Variants in NHS observed in about 807,000 individuals in gnomAD.
NHS encodes the protein actin remodeling regulator NHS.
Under a neutral mutation model 72.5 loss-of-function variants are expected in NHS, and 5 were observed. That is an observed-to-expected ratio of 0.07 (90% CI 0.04 to 0.14). The LOEUF is 0.14. Among genes scored for constraint, NHS ranks in the 10% least tolerant of loss-of-function variants. The pLI, the probability that NHS is intolerant of heterozygous loss-of-function variation, is 1.00. For missense variants in NHS, 1,072 were observed against 1,355.7 expected (o/e 0.79, Z 3.29); for synonymous variants, 464 against 547.7 (o/e 0.85, Z 2.13).
chrX:17,376,227 T>C lies in NHS; in HGVS notation c.470T>C (p.Ile157Thr). 1 of 1,183,740 alleles carries C rather than the reference T, an allele frequency of 8.4e-7. No homozygotes were observed. The highest frequency in any genetic ancestry group is 1.1e-6 in the Non-Finnish European group (1 of 887,016). Reference sequence around the variant, plus strand: ...CTCTTCCAGGAGCTCGAGAGCGACATCCAGCTCACCCACCGCCGCGTCTGG... The same window carrying C: ...CTCTTCCAGGAGCTCGAGAGCGACACCCAGCTCACCCACCGCCGCGTCTGG... ...CSLFQELESD[I>T]QLTHRRVWAL... Residue 157 changes from isoleucine (I) to threonine (T), a missense_variant, in exon 1 of 9, where the codon ATC becomes ACC. By Grantham distance (89) the Ile-to-Thr change is moderately conservative. Transcript: ENST00000676302.
Position 17,719,393 on chromosome X carries a change from C to G in NHS, c.902C>G (p.Pro301Arg), listed in dbSNP as rs1469174593. Residue 301 changes from proline (P) to arginine (R), a missense_variant, in exon 4 of 9, where the codon CCG becomes CGG. By Grantham distance (103) the Pro-to-Arg change is moderately radical (BLOSUM62 -2). Coordinates refer to ENST00000676302, the MANE Select transcript of NHS (RefSeq NM_001291867.2). ...CCCACTGAATGTTGCCACATGACCC[C>G]GTGGAGTAGAAAGGTATTGGTTCTG... is the stretch of plus-strand genomic sequence containing the variant. ...PSPTECCHMT[P>R]WSRKSHPPED... The G allele has an allele frequency of 8.6e-7, 1 of 1,164,909 alleles. No individual in the cohort carries two copies. The highest frequency in any genetic ancestry group is 1.9e-5 in the South Asian group (1 of 52,598).
At chrX:17,379,688 A>G (rs2064366293) in intron 1 of NHS, among the ~76,000 whole-genome samples, 1 of 111,738 alleles carries the variant, frequency 8.9e-6, no homozygotes, top group South Asian at 3.8e-4. Flanking sequence ...GGCAGGAGAA[A>G]TGCTTGGATC....
chrX:17,449,160 C>T (rs865787464), intron 1 of NHS, among the ~76,000 whole-genome samples: 16 of 113,145 alleles, frequency 1.4e-4, no homozygotes, highest in African/African-American at 5.1e-4. Flanking sequence ...CCCTATGGGA[C>T]GCAAGACCTC....
At chrX:17,488,193 G>T (rs1045492676) in intron 1 of NHS, among the ~76,000 whole-genome samples, 7 of 111,447 alleles carry the variant, frequency 6.3e-5, no homozygotes, top group Non-Finnish European at 1.1e-4. Flanking sequence ...GACAAGCAGA[G>T]AATGTTACAT....
At chrX:17,514,744 A>G (rs1430889284) in intron 1 of NHS, among the ~76,000 whole-genome samples, 4 of 112,102 alleles carry the variant, frequency 3.6e-5, no homozygotes. Flanking sequence ...AGCCCCCAGG[A>G]CATGTAAATG....
At chrX:17,403,432 A>G (rs1475566650) in intron 1 of NHS, among the ~76,000 whole-genome samples, 1 of 111,760 alleles carries the variant, frequency 8.9e-6, no homozygotes, top group African/African-American at 3.3e-5. Flanking sequence ...TTCGTGGCTG[A>G]GAGCAGGGCT....
intron 1 of NHS, among the ~76,000 whole-genome samples, chrX:17,380,503 C>A (rs958625754): frequency 1.8e-5 from 2 of 110,202 alleles, no homozygotes; most frequent in African/African-American, 6.6e-5. Flanking sequence ...CAGGTGTGCA[C>A]CACTACGCTA....
At chrX:17,504,592 T>C (rs1436090283) in intron 1 of NHS, among the ~76,000 whole-genome samples, 1 of 112,016 alleles carries the variant, frequency 8.9e-6, no homozygotes, top group African/African-American at 3.2e-5. Context: ...TTATTTCCTT[T>C]GGCTTTCCAT....
chrX:17,507,823 T>C (rs768419158), intron 1 of NHS, among the ~76,000 whole-genome samples: 3 of 111,561 alleles, frequency 2.7e-5, no homozygotes, highest in Non-Finnish European at 5.6e-5. Context: ...AAGAATGACA[T>C]TCAGTCTTAA....
intron 3 of NHS, among the ~76,000 whole-genome samples, chrX:17,702,641 T>C (rs1053530531): frequency 9.0e-6 from 1 of 111,376 alleles, no homozygotes; most frequent in South Asian, 3.8e-4. Context: ...GAGCCGAGAT[T>C]GCACCACTGC....
At chrX:17,401,084 T>C (rs1432714300) in intron 1 of NHS, among the ~76,000 whole-genome samples, 1 of 111,996 alleles carries the variant, frequency 8.9e-6, no homozygotes. Flanking sequence ...AAATAAGTTT[T>C]TACATTTATG....
At chrX:17,460,379 T>C (rs1000385941) in intron 1 of NHS, among the ~76,000 whole-genome samples, 2 of 111,327 alleles carry the variant, frequency 1.8e-5, no homozygotes, top group African/African-American at 6.5e-5. Context: ...AAAATCATGG[T>C]GGAAGGTGAA....
intron 1 of NHS, among the ~76,000 whole-genome samples, chrX:17,499,795 A>G: frequency 8.9e-6 from 1 of 111,945 alleles, no homozygotes; most frequent in Non-Finnish European, 1.9e-5. Context: ...AGAAGTGAGT[A>G]GTTGTGAGAC....
chrX:17,414,917 A>G, intron 1 of NHS, among the ~76,000 whole-genome samples: 1 of 111,337 alleles, frequency 9.0e-6, no homozygotes, highest in East Asian at 2.8e-4. Flanking sequence ...TCAAGAATGG[A>G]GGACAGAAAG....
intron 1 of NHS, among the ~76,000 whole-genome samples, chrX:17,414,997 G>A (rs904145463): frequency 1.8e-5 from 2 of 111,210 alleles, no homozygotes; most frequent in African/African-American, 6.6e-5. Context: ...GCGGGGGTTG[G>A]CTGGTATCTT....
At chrX:17,537,918 G>A (rs971863148) in intron 1 of NHS, among the ~76,000 whole-genome samples, 2 of 111,747 alleles carry the variant, frequency 1.8e-5, no homozygotes, top group African/African-American at 3.3e-5. Context: ...GGGATCAGAG[G>A]GGAAAACAAA....
rs1050255224 is a variant in NHS at position 17,732,200 on chromosome X, T to A, written c.4692T>A (p.His1564Gln). 8.3e-7 allele frequency: 1 copy of A among 1,211,825 alleles called. No individual in the cohort carries two copies. Among genetic ancestry groups the A allele is most frequent in the Non-Finnish European group, 1.1e-6 (1 of 895,517 alleles). The change falls in exon 9 of 9, where the codon CAT becomes CAA. Residue 1564 changes from histidine (H) to glutamine (Q), a missense_variant. Physicochemically the swap from His to Gln is conservative, Grantham distance 24. Transcript: ENST00000676302. ...AESPQSTDDA[H>Q]QGSQGAEALS... Reference sequence around the variant, plus strand: ...CCCCTCAGAGCACCGATGATGCCCATCAGGGGTCACAAGGGGCTGAGGCAT... The same window carrying A: ...CCCCTCAGAGCACCGATGATGCCCAACAGGGGTCACAAGGGGCTGAGGCAT...
intron 1 of NHS, among the ~76,000 whole-genome samples, chrX:17,410,516 CTTTTTTT>C (rs200959395): frequency 1.2e-5 from 1 of 82,227 alleles, no homozygotes; most frequent in Non-Finnish European, 2.3e-5. Flanking sequence ...CAACTCTCTG[CTTTTTTT>C]TTTTTTTTTT....
At chrX:17,561,969 G>T (rs1394996306) in intron 1 of NHS, among the ~76,000 whole-genome samples, 1 of 110,296 alleles carries the variant, frequency 9.1e-6, no homozygotes, top group Non-Finnish European at 1.9e-5. Flanking sequence ...ATGAACCAAG[G>T]TTTGGTGTTT....
Sources: allele counts gnomAD v4.1 joint callset (sites outside exome capture counted in the v4.1 genomes callset), GRCh38; gene constraint gnomAD v4.1.1; transcripts MANE v1.5; gene names NCBI Gene and HGNC (gene_info 2026-07-23, HGNC 2026-07-21).